The following MAOB variants were observed in gnomAD, a reference collection of about 807,000 sequenced individuals.
MAOB encodes amine oxidase [flavin-containing] B.
A neutral mutation model predicts 41.9 loss-of-function variants in MAOB; 15 were observed. The ratio of observed to expected loss-of-function variants is 0.36; its 90% CI spans 0.24 to 0.55. MAOB has a LOEUF of 0.55. Ranked by LOEUF, MAOB falls within the 20% of genes least tolerant of loss-of-function variation. The pLI, the probability that MAOB is intolerant of heterozygous loss-of-function variation, is 0.86. For synonymous variants in MAOB, 167 were observed against 144.2 expected (o/e 1.16, Z -1.13); for missense variants, 345 against 398.7 (o/e 0.87, Z 1.15).
chrX:43,862,624 G>A (rs1429270437), intron 1 of MAOB, among the ~76,000 whole-genome samples: 2 of 111,988 alleles, frequency 1.8e-5, no homozygotes, highest in African/African-American at 6.5e-5. Context: ...GACTCACCCT[G>A]TGGCTATTGG....
chrX:43,770,924 C>T (rs1369421847), intron 12 of MAOB, among the ~76,000 whole-genome samples: 1 of 111,611 alleles, frequency 9.0e-6, no homozygotes, highest in Non-Finnish European at 1.9e-5. Context: ...AGGAAAGCAC[C>T]GTCAACATGC....
intron 1 of MAOB, among the ~76,000 whole-genome samples, chrX:43,860,762 C>A (rs2035326422): frequency 9.0e-6 from 1 of 111,169 alleles, no homozygotes; most frequent in East Asian, 2.8e-4. Context: ...CCCATATGAC[C>A]TCACTCTTGC....
intron 3 of MAOB, among the ~76,000 whole-genome samples, chrX:43,837,457 C>T (rs755491501): frequency 8.9e-6 from 1 of 112,378 alleles, no homozygotes; most frequent in Non-Finnish European, 1.9e-5. Flanking sequence ...CTCAGCCTCC[C>T]AAAGTGCAGG....
chrX:43,847,534 T>A (rs1446360527), intron 1 of MAOB, among the ~76,000 whole-genome samples: 7 of 111,077 alleles, frequency 6.3e-5, no homozygotes, highest in Admixed American at 3.8e-4. Flanking sequence ...GACTTAACTG[T>A]AGGTTACGCA....
chrX:43,868,108 C>A (rs924143076), intron 1 of MAOB, among the ~76,000 whole-genome samples: 14 of 111,904 alleles, frequency 1.3e-4, no homozygotes, highest in Non-Finnish European at 2.1e-4. Context: ...CCTACAGACT[C>A]CTTTCAAAGG....
At chrX:43,792,225 C>A (rs2034472445) in intron 8 of MAOB, among the ~76,000 whole-genome samples, 1 of 112,111 alleles carries the variant, frequency 8.9e-6, no homozygotes, top group Non-Finnish European at 1.9e-5. Context: ...TTTGAAAGAA[C>A]TGTGCTTAGA....
At chrX:43,799,648 T>C in intron 5 of MAOB, among the ~76,000 whole-genome samples, 1 of 111,652 alleles carries the variant, frequency 9.0e-6, no homozygotes, top group Non-Finnish European at 1.9e-5. Flanking sequence ...GAACAATATT[T>C]GAAGGATGGA....
intron 8 of MAOB, among the ~76,000 whole-genome samples, chrX:43,785,249 C>G (rs1343763040): frequency 1.8e-5 from 2 of 112,990 alleles, no homozygotes; most frequent in Non-Finnish European, 3.7e-5. Flanking sequence ...CTTCATCAGC[C>G]CTTGCTGCTT....
chrX:43,767,604 C>T lies in MAOB; in HGVS notation c.1425G>A (p.Gln475=), dbSNP rs768001953. Residue 475 remains glutamine, a synonymous_variant, in exon 15 of 15, where the codon CAG becomes CAA. Coordinates refer to ENST00000378069, the MANE Select transcript of MAOB (RefSeq NM_000898.5). The stretch of plus-strand genomic sequence containing the variant: ...TCTCCAAAAAGGTGGTGGTGATGGG[C>T]TGTGCAGGGACATCCTAGGTTCAGA... ...SEPESVDVPA[Q]PITTTFLERH... is the part of the protein sequence containing the mutation. 2 of 1,207,924 alleles carry T rather than the reference C, an allele frequency of 1.7e-6. No individual in the cohort carries two copies. The highest frequency in any genetic ancestry group is 3.0e-5 in the East Asian group (1 of 33,705).
intron 3 of MAOB, among the ~76,000 whole-genome samples, chrX:43,810,399 G>T (rs1342869693): frequency 1.8e-5 from 2 of 110,419 alleles, no homozygotes; most frequent in African/African-American, 6.6e-5. Flanking sequence ...TTAGAAAACA[G>T]TTTTTAATAA....
rs928224339 is a variant in MAOB, at chrX:43,795,874, C to T, written c.633G>A (p.Val211=). 5.8e-6 allele frequency: 7 copies of T among 1,204,967 alleles called. No homozygotes were observed. Among genetic ancestry groups the T allele is most frequent in the African/African-American group, 3.5e-5 (2 of 56,793 alleles). Residue 211 remains valine (V), a synonymous_variant, in exon 7 of 15, where the codon GTG becomes GTA. Coordinates refer to ENST00000378069, the MANE Select transcript of MAOB (RefSeq NM_000898.5). The stretch of plus-strand genomic sequence containing the variant: ...GCTCACTCACTTGACCAGATCCGCC[C>T]ACAAATTTCCTCTCCTGGAAAGAGA... ...TTNGGQERKF[V]GGSGQVSERI...
At chrX:43,837,730 A>G (rs2147162099) in intron 3 of MAOB, 1 of 245,279 alleles carries the variant, frequency 4.1e-6, no homozygotes, top group African/African-American at 2.8e-5. Context: ...TTCTAAGGGG[A>G]TGTTTTCTAC....
chrX:43,847,189 C>T (rs753231610), intron 1 of MAOB, among the ~76,000 whole-genome samples: 9 of 110,625 alleles, frequency 8.1e-5, no homozygotes, highest in Non-Finnish European at 1.1e-4. Flanking sequence ...ACTAAAAATA[C>T]GAAAATTACC....
chrX:43,877,905 T>A (rs1164125641), intron 1 of MAOB, among the ~76,000 whole-genome samples: 6 of 112,491 alleles, frequency 5.3e-5, no homozygotes, highest in Non-Finnish European at 1.1e-4. Context: ...ATGCTGCACA[T>A]CCAGAAAAAT....
At chrX:43,802,795 G>A (rs1256059528) in intron 4 of MAOB, among the ~76,000 whole-genome samples, 1 of 110,242 alleles carries the variant, frequency 9.1e-6, no homozygotes, top group African/African-American at 3.3e-5. Context: ...GGGGGGCAAG[G>A]GGAGGGAGAG....
At chrX:43,782,789 C>T (rs2034350545) in intron 8 of MAOB, among the ~76,000 whole-genome samples, 1 of 111,780 alleles carries the variant, frequency 8.9e-6, no homozygotes, top group Middle Eastern at 4.6e-3. Flanking sequence ...AAAGCTTATC[C>T]ACTATGATCA....
intron 3 of MAOB, among the ~76,000 whole-genome samples, chrX:43,830,465 G>A (rs770738205): frequency 2.7e-5 from 3 of 111,924 alleles, no homozygotes; most frequent in Non-Finnish European, 5.6e-5. Context: ...AGCCAGAAAA[G>A]ATCACTTTAT....
chrX:43,834,419 A>AAC (rs2035050979), intron 3 of MAOB, among the ~76,000 whole-genome samples: 1 of 112,003 alleles, frequency 8.9e-6, no homozygotes, highest in Non-Finnish European at 1.9e-5. Context: ...GACCTTACAC[A>AAC]ACAGGACGAT....
rs78169114 is a variant in MAOB at position 43,855,630 on chromosome X, A to G, written c.47-11866T>C. Among the ~76,000 whole-genome samples, 99 of 111,240 alleles carry G rather than the reference A, an allele frequency of 8.9e-4. No individual in the cohort carries two copies. The East Asian group carries it at 0.026, about 30-fold the overall frequency. ...CTGTAGTTAGAGAACAAAAACAAGGACTCTTGGAAGTCATAACACAACAAC... is the reference window on the plus strand; with the variant it reads ...CTGTAGTTAGAGAACAAAAACAAGGGCTCTTGGAAGTCATAACACAACAAC... On this transcript the variant is annotated intron_variant, in intron 1 of 14. Transcript: ENST00000378069.
Sources: allele counts gnomAD v4.1 joint callset (sites outside exome capture counted in the v4.1 genomes callset), GRCh38; gene constraint gnomAD v4.1.1; transcripts MANE v1.5; gene names NCBI Gene and HGNC (gene_info 2026-07-23, HGNC 2026-07-21).